IRAG2: variants seen among roughly 807,000 people sequenced by gnomAD.
The protein encoded by IRAG2 is lymphoid restricted membrane protein.
In IRAG2, 45 loss-of-function variants were observed where a neutral mutation model predicts 69.9. The observed-to-expected ratio is 0.64, with a 90% confidence interval of 0.51 to 0.83. The LOEUF is 0.83. Among genes scored for constraint, IRAG2 ranks in the 40% least tolerant of loss-of-function variants. The pLI is 0.00. For synonymous variants in IRAG2, 193 were observed against 202.4 expected (o/e 0.95, Z 0.40); for missense variants, 520 against 587.0 (o/e 0.89, Z 1.18).
intron 3 of IRAG2, among the ~76,000 whole-genome samples, chr12:25,012,689 G>A (rs143649271): frequency 3.3e-5 from 5 of 152,222 alleles, no homozygotes; most frequent in African/African-American, 9.6e-5. Flanking sequence ...TTAGCTGGGC[G>A]TGGTGGTTCA....
intron 10 of IRAG2, among the ~76,000 whole-genome samples, chr12:25,086,188 G>A (rs1947595180): frequency 6.6e-6 from 1 of 152,200 alleles, no homozygotes; most frequent in Non-Finnish European, 1.5e-5. Flanking sequence ...CAGATGAGAT[G>A]AAGGTAGTAT....
intron 1 of IRAG2, among the ~76,000 whole-genome samples, chr12:25,059,641 A>T (rs748164723): frequency 1.5e-4 from 23 of 152,196 alleles, no homozygotes; most frequent in Non-Finnish European, 2.9e-4. Context: ...GGCATGAGCC[A>T]CCGCACCCAG....
chr12:25,090,312 C>A (rs1224533712), intron 14 of IRAG2, 115 bp downstream of exon 14: 1 of 921,410 alleles, frequency 1.1e-6, no homozygotes, highest in South Asian at 1.8e-5. Flanking sequence ...GAGACCAAGG[C>A]AGGAGGATCA....
intron 6 of IRAG2, among the ~76,000 whole-genome samples, chr12:25,075,521 CGT>C (rs747046833): frequency 0.097 from 13,508 of 139,240 alleles, 591 homozygotes; most frequent in South Asian, 0.14. Flanking sequence ...TGTGTGTATG[CGT>C]GTGTGTGTGT....
At chr12:25,082,740 A>G (rs1370660915) in intron 9 of IRAG2, among the ~76,000 whole-genome samples, 1 of 152,238 alleles carries the variant, frequency 6.6e-6, no homozygotes, top group East Asian at 1.9e-4. Context: ...TTTTACAAAT[A>G]TAATACACGC....
At chr12:25,051,713 G>T (rs1333970924), upstream of IRAG2, among the ~76,000 whole-genome samples, 1 of 152,216 alleles carries the variant, frequency 6.6e-6, no homozygotes, top group Non-Finnish European at 1.5e-5. Context: ...TGTGCCTGGG[G>T]GCGGTCCTTC....
upstream of IRAG2, among the ~76,000 whole-genome samples, chr12:25,048,333 C>T (rs1290642396): frequency 6.6e-6 from 1 of 152,060 alleles, no homozygotes. Context: ...CTCTGTTGCT[C>T]AGGCTGGAGT....
At chr12:25,008,204 A>G (rs1173424119) in intron 2 of IRAG2, among the ~76,000 whole-genome samples, 2 of 152,222 alleles carry the variant, frequency 1.3e-5, no homozygotes, top group Non-Finnish European at 2.9e-5. Context: ...ATCTATAATG[A>G]GAAACTCTAT....
chr12:25,105,078 T>G (rs894182922), intron 20 of IRAG2, among the ~76,000 whole-genome samples: 25 of 144,700 alleles, frequency 1.7e-4, no homozygotes, highest in East Asian at 1.4e-3. Flanking sequence ...TCAGTTTTTT[T>G]TTTTTTTTTT....
chr12:25,052,673 T>G (rs11537537), upstream of IRAG2: 1 of 397,644 alleles, frequency 2.5e-6, no homozygotes, highest in Non-Finnish European at 4.4e-6. Flanking sequence ...CAGGAGAGGC[T>G]TATCACTTCC....
chr12:25,019,210 C>A (rs1221260833), intron 6 of IRAG2, among the ~76,000 whole-genome samples: 1 of 152,196 alleles, frequency 6.6e-6, no homozygotes, highest in East Asian at 1.9e-4. Context: ...GTGTTACAAG[C>A]AATACTCTTT....
intron 5 of IRAG2, among the ~76,000 whole-genome samples, chr12:25,066,779 A>G (rs1271482505): frequency 6.6e-6 from 1 of 150,938 alleles, no homozygotes; most frequent in Non-Finnish European, 1.5e-5. Context: ...CCTTCCAAGT[A>G]GCTGGGACTA....
At chr12:25,083,732 G>C (rs1056566513) in intron 10 of IRAG2, among the ~76,000 whole-genome samples, 2 of 152,128 alleles carry the variant, frequency 1.3e-5, no homozygotes, top group African/African-American at 2.4e-5. Flanking sequence ...TTAATTTATT[G>C]TTCATTCATT....
Position 25,108,136 on chromosome 12 carries a change from C to T in IRAG2, c.*76C>T, listed in dbSNP as rs1949346507. ...AACTTCGTAAATTAGTAACTTTTAG[C>T]TGGGAAAGTATAGCATGAAACCAGA... On this transcript the variant is annotated 3_prime_UTR_variant, in exon 22 of 22. Coordinates refer to ENST00000556887, the MANE Select transcript of IRAG2 (RefSeq NM_001366544.2). 2.0e-6 allele frequency: 3 copies of T among 1,509,402 alleles called. 1 individual carries two copies. The highest frequency in any genetic ancestry group is 1.4e-5 in the African/African-American group (1 of 72,688). The allele number at this position is 1,509,402 out of a possible 1,614,324, so 93.5% of individuals were successfully genotyped here. A position where few individuals can be genotyped will look rare whatever the true frequency, so the allele number is the denominator to read the frequency against.
intron 6 of IRAG2, among the ~76,000 whole-genome samples, chr12:25,077,295 A>G (rs867236140): frequency 4.5e-5 from 4 of 88,266 alleles, no homozygotes; most frequent in African/African-American, 1.7e-4. Context: ...TGATATATAT[A>G]TGAAATATAT....
intron 11 of IRAG2, among the ~76,000 whole-genome samples, chr12:25,089,373 G>C (rs1379025232): frequency 1.4e-5 from 2 of 148,074 alleles, no homozygotes; most frequent in Non-Finnish European, 3.0e-5. Context: ...TTGATTCTGA[G>C]ACATCTTTAA....
chr12:25,027,514 C>T (rs1944633069), intron 9 of IRAG2, among the ~76,000 whole-genome samples: 1 of 151,750 alleles, frequency 6.6e-6, no homozygotes, highest in Admixed American at 6.6e-5. Context: ...CCTGCCTCAG[C>T]CTCCCGAGTA....
At chr12:25,055,268 C>T (rs1945161927) in intron 1 of IRAG2, among the ~76,000 whole-genome samples, 1 of 152,144 alleles carries the variant, frequency 6.6e-6, no homozygotes, top group Admixed American at 6.5e-5. Context: ...TTTCAATTGC[C>T]TTCAGGACTG....
intron 15 of IRAG2, chr12:25,036,827 CA>C (rs1944705894): frequency 5.1e-6 from 2 of 393,994 alleles, no homozygotes; most frequent in Non-Finnish European, 8.9e-6. Context: ...ACTGTGTGTC[CA>C]GGGGTGTATA....
Sources: gnomAD v4.1 joint callset for allele counts (sites outside exome capture counted in the v4.1 genomes callset) on GRCh38, gnomAD v4.1.1 for gene constraint, MANE v1.5 for transcripts, NCBI Gene and HGNC (gene_info 2026-07-23, HGNC 2026-07-21) for gene names.